Variants in TMOD1 observed in about 807,000 individuals in gnomAD.
TMOD1 encodes the protein tropomodulin-1.
A neutral mutation model predicts 40.6 loss-of-function variants in TMOD1; 17 were observed. The observed-to-expected ratio is 0.42, with a 90% confidence interval of 0.29 to 0.63. TMOD1 has a LOEUF of 0.63. TMOD1 is among the 20% of genes least tolerant of loss of function. TMOD1 has a pLI of 0.22. For missense variants in TMOD1, 391 were observed against 447.6 expected (o/e 0.87, Z 1.14); for synonymous variants, 181 against 175.0 (o/e 1.03, Z -0.27).
chr9:97,524,522 A>ATG (rs1393802450), intron 2 of TMOD1, among the ~76,000 whole-genome samples: 3 of 148,882 alleles, frequency 2.0e-5, no homozygotes, highest in Admixed American at 2.0e-4. Context: ...GTGTGTGTGT[A>ATG]TGTGTGTGTG....
chr9:97,555,541 G>A (rs1830523867), intron 4 of TMOD1: 2 of 1,487,370 alleles, frequency 1.3e-6, no homozygotes, highest in South Asian at 1.4e-5. Flanking sequence ...CTGTAACGAC[G>A]CAATATGCTG....
intron 7 of TMOD1, among the ~76,000 whole-genome samples, 182 bp from the exon 8 acceptor site, chr9:97,568,712 T>C (rs773532955): frequency 3.9e-5 from 6 of 152,102 alleles, no homozygotes; most frequent in Non-Finnish European, 8.8e-5. Context: ...AATTCTCCTG[T>C]GGGGGATCAG....
chr9:97,530,994 G>A (rs921203616), intron 2 of TMOD1, among the ~76,000 whole-genome samples: 1 of 140,438 alleles, frequency 7.1e-6, no homozygotes, highest in Non-Finnish European at 1.5e-5. Context: ...CACCATGTTG[G>A]CCAGGCTGGT....
intron 8 of TMOD1, among the ~76,000 whole-genome samples, chr9:97,586,008 G>C (rs1436012279): frequency 6.6e-6 from 1 of 151,678 alleles, no homozygotes; most frequent in Non-Finnish European, 1.5e-5. Flanking sequence ...CTCAGCTCGT[G>C]AAAGTCATTC....
At chr9:97,556,184 T>C (rs1830534090) in intron 4 of TMOD1, among the ~76,000 whole-genome samples, 1 of 149,970 alleles carries the variant, frequency 6.7e-6, no homozygotes, top group South Asian at 2.1e-4. Context: ...TGAGATTGCA[T>C]CTGAGATGCA....
In TMOD1 at chr9:97,557,115, G is replaced by A. The variant is rs1478256177; in HGVS notation, c.397+3715G>A. On this transcript the variant is annotated intron_variant, in intron 4 of 9. Coordinates refer to ENST00000259365, the MANE Select transcript of TMOD1 (RefSeq NM_003275.4). This position sits in a 1 kb window ranked among gnomAD's most constrained non-coding sequence, Gnocchi z 4.4. ...CCAGTCCTTGCCTTTGGGAGGCCCA[G>A]GAGGTGATGAGGAGGACAGACGAGA... is the stretch of plus-strand genomic sequence containing the variant. Among the ~76,000 whole-genome samples the A allele has an allele frequency of 6.6e-6, 1 of 152,224 alleles. No homozygotes were observed. The highest frequency in any genetic ancestry group is 1.5e-5 in the Non-Finnish European group (1 of 68,032).
intron 1 of TMOD1, 71 bp from the exon 2 acceptor site, chr9:97,524,070 G>C: frequency 8.4e-7 from 1 of 1,188,464 alleles, no homozygotes. Flanking sequence ...CTGTGTGAAC[G>C]ATGAGCCTCC....
rs546277807 is a variant in TMOD1 at position 97,601,591 on chromosome 9, G to A, written c.*1893G>A. ...TCAGATGAGCTGCTGGTCTAGATCAGGGGCTGGCAAACTTTTCTGTAAAAG... is the reference window on the plus strand; with the variant it reads ...TCAGATGAGCTGCTGGTCTAGATCAAGGGCTGGCAAACTTTTCTGTAAAAG... On this transcript the variant is annotated 3_prime_UTR_variant, in exon 10 of 10. Transcript: ENST00000259365. 8.1e-6 allele frequency: 8 copies of A among 987,086 alleles called. No homozygotes were observed. In the South Asian group the frequency reaches 3.3e-4, roughly 40 times the overall value. The allele number at this position is 987,086 out of a possible 1,614,324, so 61.1% of individuals were successfully genotyped here.
rs200674449 is a variant in TMOD1 at position 97,595,848 on chromosome 9, G to A, written c.1016-3786G>A. Among the ~76,000 whole-genome samples the A allele has an allele frequency of 4.0e-4, 61 of 152,034 alleles. No individual in the cohort carries two copies. The East Asian group carries it at 0.01, about 26-fold the overall frequency. ...AGCACTTTGGGAGGCCGAGGCAGGCGGATCACCTGAGGTCAGGAGTTTGAG... is the reference window on the plus strand; with the variant it reads ...AGCACTTTGGGAGGCCGAGGCAGGCAGATCACCTGAGGTCAGGAGTTTGAG... On this transcript the variant is annotated intron_variant, in intron 9 of 9. Coordinates refer to ENST00000259365, the MANE Select transcript of TMOD1 (RefSeq NM_003275.4).
At chr9:97,566,470 A>G (rs746467729) in intron 7 of TMOD1, among the ~76,000 whole-genome samples, 154 of 152,284 alleles carry the variant, frequency 1.0e-3, no homozygotes, top group Non-Finnish European at 1.8e-3. Flanking sequence ...CAGAAGTTCG[A>G]GACCAGCCTG....
intron 8 of TMOD1, among the ~76,000 whole-genome samples, chr9:97,575,034 C>G (rs932741917): frequency 2.0e-5 from 3 of 152,164 alleles, no homozygotes; most frequent in Non-Finnish European, 4.4e-5. Flanking sequence ...TGCCGGATAA[C>G]GCAGTGGCAA....
At position 97,569,947 on chromosome 9, in the gene TMOD1, T is replaced by G. The variant is rs535779251; in HGVS notation, c.870+910T>G. On this transcript the variant is annotated intron_variant, in intron 8 of 9. Coordinates refer to ENST00000259365, the MANE Select transcript of TMOD1 (RefSeq NM_003275.4). ...TTCTTTTTTATGAATGGGGACTCAG[T>G]TTTTTTTTTTCCACTACATGAAAAT... is the stretch of plus-strand genomic sequence containing the variant. 3.3e-4 allele frequency among the ~76,000 whole-genome samples: 49 copies of G among 147,736 alleles called. 1 individual carries two copies. In the South Asian group the frequency reaches 8.0e-3, roughly 24 times the overall value.
At chr9:97,594,743 T>C (rs951522500) in intron 9 of TMOD1, among the ~76,000 whole-genome samples, 1 of 152,204 alleles carries the variant, frequency 6.6e-6, no homozygotes, top group Admixed American at 6.5e-5. Context: ...GTTCTGTGAG[T>C]GCAGGGTGCC....
At chr9:97,572,559 A>G (rs1409932056) in intron 8 of TMOD1, among the ~76,000 whole-genome samples, 1 of 152,118 alleles carries the variant, frequency 6.6e-6, no homozygotes, top group South Asian at 2.1e-4. Flanking sequence ...GGAGGAGGCC[A>G]CCTGTGCCTC....
intron 8 of TMOD1, among the ~76,000 whole-genome samples, chr9:97,576,962 G>T (rs973873754): frequency 2.0e-5 from 3 of 152,128 alleles, no homozygotes; most frequent in East Asian, 1.9e-4. Context: ...TCTACGGAAG[G>T]GGGTGGGACT....
In TMOD1 at chr9:97,599,736, G is replaced by A; in HGVS notation, c.*38G>A. 1 of 1,613,826 alleles carries A rather than the reference G, an allele frequency of 6.2e-7. No individual in the cohort carries two copies. The highest frequency in any genetic ancestry group is 2.2e-5 in the East Asian group (1 of 44,876). On this transcript the variant is annotated 3_prime_UTR_variant, in exon 10 of 10. Coordinates refer to ENST00000259365, the MANE Select transcript of TMOD1 (RefSeq NM_003275.4). ...GAGTCCATGCCTTTGAACTGGATGT[G>A]TTCTATTGATGACCTGTGCTCTGCA...
chr9:97,565,920 A>G lies in TMOD1; in HGVS notation c.691A>G (p.Ile231Val), dbSNP rs1265321672. ...AAACTCATATGTGAAGAAGTTCAGC[A>G]TCGTGGGGACACGGAGTAATGACCC... The part of the protein sequence containing the change: ...KENSYVKKFS[I>V]VGTRSNDPVA... Residue 231 changes from isoleucine to valine, a missense_variant, in exon 7 of 10, where the codon ATC becomes GTC. Transcript: ENST00000259365. The G allele has an allele frequency of 6.2e-7, 1 of 1,614,228 alleles. No individual in the cohort carries two copies. The highest frequency in any genetic ancestry group is 1.7e-5 in the Admixed American group (1 of 60,030).
intron 8 of TMOD1, among the ~76,000 whole-genome samples, chr9:97,588,491 C>G (rs573954436): frequency 6.6e-6 from 1 of 152,212 alleles, no homozygotes; most frequent in South Asian, 2.1e-4. Context: ...CCTATATCTA[C>G]CAAATATTTT....
chr9:97,512,509 A>G (rs1297456593), intron 1 of TMOD1, among the ~76,000 whole-genome samples: 1 of 152,202 alleles, frequency 6.6e-6, no homozygotes, highest in Non-Finnish European at 1.5e-5. Flanking sequence ...CTAAATGACC[A>G]TTAAAAGTAG....
Sources: allele counts gnomAD v4.1 joint callset (sites outside exome capture counted in the v4.1 genomes callset), GRCh38; gene constraint gnomAD v4.1.1; non-coding constraint Gnocchi (gnomAD v3.1); transcripts MANE v1.5; gene names NCBI Gene and HGNC (gene_info 2026-07-23, HGNC 2026-07-21).